Variants in LAMA1 observed in about 807,000 individuals in gnomAD.
The protein encoded by LAMA1 is laminin subunit alpha 1, also known as laminin subunit alpha-1.
Under a neutral mutation model 348.7 loss-of-function variants are expected in LAMA1, and 219 were observed. The observed-to-expected ratio is 0.63, with a 90% CI of 0.56 to 0.70. The LOEUF is 0.70. LAMA1 is among the 30% of genes least tolerant of loss of function. LAMA1 has a pLI of 0.00. For synonymous variants in LAMA1, 1,487 were observed against 1,491.0 expected (o/e 1.00, Z 0.06); for missense variants, 3,744 against 3,888.0 (o/e 0.96, Z 0.99).
chr18:6,964,789 T>C lies in LAMA1; in HGVS notation c.7210A>G (p.Ile2404Val). 1 of 1,614,120 alleles carries C rather than the reference T, an allele frequency of 6.2e-7. No homozygotes were observed. The highest frequency in any genetic ancestry group is 8.5e-7 in the Non-Finnish European group (1 of 1,180,024). ...RNRKQGVLAV[I>V]DAYNTSNKET... ...TTATTACTGGTGTTATAGGCATCGATAACTGCTAGCACTCCTAAAAGGAGA... is the reference window on the plus strand; with the variant it reads ...TTATTACTGGTGTTATAGGCATCGACAACTGCTAGCACTCCTAAAAGGAGA... The change falls in exon 51 of 63, where the codon ATC becomes GTC. Residue 2404 changes from isoleucine (I) to valine (V), a missense_variant. Ile to Val is a conservative substitution (Grantham distance 29). Transcript: ENST00000389658.
chr18:7,079,220 C>T (rs1049411341), intron 3 of LAMA1: 15 of 152,314 alleles, frequency 9.8e-5, no homozygotes, highest in African/African-American at 3.4e-4. Context: ...GATGGCTTTT[C>T]TGAAAAGCTC....
chr18:7,104,517 T>C (rs1188680731), intron 1 of LAMA1, among the ~76,000 whole-genome samples: 1 of 151,576 alleles, frequency 6.6e-6, no homozygotes, highest in Non-Finnish European at 1.5e-5. Flanking sequence ...TGGGCTGGAG[T>C]CCGTCAGAGT....
At chr18:6,967,703 G>A (rs1218211244) in intron 48 of LAMA1, among the ~76,000 whole-genome samples, 1 of 152,038 alleles carries the variant, frequency 6.6e-6, no homozygotes, top group Non-Finnish European at 1.5e-5. Context: ...CCTTGTTCAA[G>A]GACACACCCC....
intron 3 of LAMA1, among the ~76,000 whole-genome samples, chr18:7,053,972 T>C (rs1360867186): frequency 1.3e-5 from 2 of 152,084 alleles, no homozygotes; most frequent in Non-Finnish European, 2.9e-5. Flanking sequence ...GGTCTCACTA[T>C]GTTGCCTAGG....
chr18:6,986,404 T>C, intron 36 of LAMA1, 57 bp from the exon 37 acceptor site: 1 of 1,548,362 alleles, frequency 6.5e-7, no homozygotes, highest in South Asian at 1.1e-5. Flanking sequence ...CTCCTATCTC[T>C]GAAATAATAG....
chr18:6,993,762 A>G lies in LAMA1; in HGVS notation c.4897-10T>C, dbSNP rs1343243530. 9 of 1,516,344 alleles carry G rather than the reference A, an allele frequency of 5.9e-6. No homozygotes were observed. Among genetic ancestry groups the G allele is most frequent in the Non-Finnish European group, 8.3e-6 (9 of 1,090,682 alleles). 93.9% of individuals were successfully genotyped at this position (1,516,344 alleles called of 1,614,324 possible). A position where few individuals can be genotyped will look rare whatever the true frequency, so the allele number is the denominator to read the frequency against. Reference sequence around the variant, plus strand: ...CTAACATCCTAGTGAGCTGGTGGAAAAATAAAGTCTCAGGTTAGTTTGACT... The same window carrying G: ...CTAACATCCTAGTGAGCTGGTGGAAGAATAAAGTCTCAGGTTAGTTTGACT... On this transcript the variant is annotated splice_polypyrimidine_tract_variant and intron_variant, in intron 34 of 62. Coordinates refer to ENST00000389658, the MANE Select transcript of LAMA1 (RefSeq NM_005559.4).
At position 6,947,217 on chromosome 18, in the gene LAMA1, C is replaced by T. The variant is rs2057525996; in HGVS notation, c.8790G>A (p.Leu2930=). 6.8e-6 allele frequency: 11 copies of T among 1,614,208 alleles called. No homozygotes were observed. The highest frequency in any genetic ancestry group is 9.3e-6 in the Non-Finnish European group (11 of 1,180,050). ...CATCCACTTTGGCAGTGCTGATCCC[C>T]AGGAGGACGCCATTCTGCGAGGAGG... is the stretch of plus-strand genomic sequence containing the variant. The part of the protein sequence containing the change: ...FRTSSQNGVL[L]GISTAKVDAI... The change falls in exon 61 of 63, where the codon CTG becomes CTA. Residue 2930 remains leucine (L), a synonymous_variant. Transcript: ENST00000389658.
At chr18:7,040,624 T>G (rs1408867158) in intron 9 of LAMA1, among the ~76,000 whole-genome samples, 1 of 152,154 alleles carries the variant, frequency 6.6e-6, no homozygotes, top group Non-Finnish European at 1.5e-5. Flanking sequence ...AGTTATAGAG[T>G]TGCCATAAGA....
chr18:7,008,348 A>C (rs1005806577), intron 28 of LAMA1, 140 bp downstream of exon 28: 1 of 1,010,090 alleles, frequency 9.9e-7, no homozygotes, highest in Non-Finnish European at 1.4e-6. Flanking sequence ...CATTTTACCA[A>C]AATTAATTTC....
At chr18:7,074,227 T>A (rs569285158) in intron 3 of LAMA1, among the ~76,000 whole-genome samples, 1 of 152,268 alleles carries the variant, frequency 6.6e-6, no homozygotes, top group African/African-American at 2.4e-5. Flanking sequence ...CACCAACACT[T>A]ATTATTTTCC....
At chr18:7,038,717 A>T (rs2058007190) in intron 11 of LAMA1, 93 bp downstream of exon 11, 2 of 1,524,430 alleles carry the variant, frequency 1.3e-6, no homozygotes, top group South Asian at 2.2e-5. Flanking sequence ...GTGTCACGGG[A>T]AGTCATCCTC....
intron 41 of LAMA1, among the ~76,000 whole-genome samples, chr18:6,980,929 C>CTAAAAA (rs1222674546): frequency 7.2e-5 from 11 of 152,054 alleles, no homozygotes; most frequent in East Asian, 3.9e-4. Flanking sequence ...CCCGTCTCTA[C>CTAAAAA]TAAAAATAAA....
At chr18:6,945,247 T>G (rs2057516605) in intron 61 of LAMA1, among the ~76,000 whole-genome samples, 1 of 152,070 alleles carries the variant, frequency 6.6e-6, no homozygotes, top group Admixed American at 6.6e-5. Context: ...ATACAAAAGT[T>G]TTTAAAGTAT....
At chr18:7,101,856 T>G (rs61561421) in intron 1 of LAMA1, among the ~76,000 whole-genome samples, 4,915 of 129,848 alleles carry the variant, frequency 0.038, 196 homozygotes, top group African/African-American at 0.12. Context: ...TTTTTTTTTT[T>G]GTAGAGCTGG....
intron 54 of LAMA1, 135 bp downstream of exon 54, chr18:6,959,206 G>A: frequency 9.0e-7 from 1 of 1,115,300 alleles, no homozygotes. Context: ...AAGAATCCTA[G>A]CAAGGTTCTA....
intron 1 of LAMA1, among the ~76,000 whole-genome samples, chr18:7,089,134 G>A (rs1230856168): frequency 6.6e-6 from 1 of 152,110 alleles, no homozygotes; most frequent in East Asian, 1.9e-4. Context: ...ATCTCAGCAC[G>A]TTCGGAGGCT....
At chr18:7,046,510 A>G in intron 5 of LAMA1, 143 bp from the exon 6 acceptor site, 1 of 565,400 alleles carries the variant, frequency 1.8e-6, no homozygotes. Flanking sequence ...TTTAAAAATT[A>G]TATTTCATGC....
At chr18:7,018,600 T>C (rs1432481378) in intron 19 of LAMA1, among the ~76,000 whole-genome samples, 1 of 151,880 alleles carries the variant, frequency 6.6e-6, no homozygotes, top group Non-Finnish European at 1.5e-5. Context: ...TTTCACCGTG[T>C]TAGCCAGGAT....
At chr18:7,057,720 C>T (rs906699479) in intron 3 of LAMA1, among the ~76,000 whole-genome samples, 3 of 151,558 alleles carry the variant, frequency 2.0e-5, no homozygotes, top group Non-Finnish European at 4.4e-5. Context: ...CTCAAGTGAT[C>T]CACCCGCCTT....
Sources: allele counts gnomAD v4.1 joint callset (sites outside exome capture counted in the v4.1 genomes callset), GRCh38; gene constraint gnomAD v4.1.1; transcripts MANE v1.5; gene names NCBI Gene and HGNC (gene_info 2026-07-23, HGNC 2026-07-21).